The following DNER variants were observed in gnomAD, a reference collection of about 807,000 sequenced individuals.
DNER encodes the protein delta and Notch-like epidermal growth factor-related receptor.
A neutral mutation model predicts 78.2 loss-of-function variants in DNER; 33 were observed. The observed-to-expected ratio is 0.42, with a 90% CI of 0.32 to 0.56. The LOEUF (loss-of-function observed/expected upper bound fraction) is 0.56, where lower values mean the gene tolerates loss of function less well. Among genes scored for constraint, DNER ranks in the 20% least tolerant of loss-of-function variants. DNER has a pLI of 0.11. For missense variants in DNER, 918 were observed against 975.3 expected, an observed-to-expected ratio of 0.94 and a Z score of 0.78; for synonymous variants, 417 against 384.8, an observed-to-expected ratio of 1.08 and a Z score of -0.98.
At chr2:229,376,624 G>A (rs138052742) in intron 11 of DNER, among the ~76,000 whole-genome samples, 98 of 152,192 alleles carry the variant, frequency 6.4e-4, no homozygotes, top group Middle Eastern at 6.8e-3. Context: ...AAAAAGTGTC[G>A]TAGATCTGCA....
At chr2:229,464,908 G>T (rs1694771176) in intron 7 of DNER, among the ~76,000 whole-genome samples, 2 of 152,156 alleles carry the variant, frequency 1.3e-5, no homozygotes, top group Admixed American at 6.5e-5. Context: ...CCGCCTGGAG[G>T]ACAATTTCTA....
intron 7 of DNER, among the ~76,000 whole-genome samples, chr2:229,471,441 A>G (rs35653766): frequency 0.36 from 54,767 of 151,916 alleles, 11,631 homozygotes; most frequent in African/African-American, 0.59. Flanking sequence ...TAAAGATTTA[A>G]ACCCCAGGCA....
chr2:229,567,525 T>G (rs1697134359), intron 4 of DNER, among the ~76,000 whole-genome samples: 1 of 152,164 alleles, frequency 6.6e-6, no homozygotes, highest in Non-Finnish European at 1.5e-5. Context: ...CTGGTAGTGA[T>G]GAGAACCAAC....
intron 9 of DNER, among the ~76,000 whole-genome samples, chr2:229,417,467 C>A (rs2106348804): frequency 6.6e-6 from 1 of 152,264 alleles, no homozygotes; most frequent in East Asian, 1.9e-4. Context: ...CTCCAGGAAG[C>A]CTTGCCATCC....
At chr2:229,542,300 C>T (rs1299892352) in intron 5 of DNER, among the ~76,000 whole-genome samples, 1 of 152,014 alleles carries the variant, frequency 6.6e-6, no homozygotes, top group Non-Finnish European at 1.5e-5. Flanking sequence ...AAGCAGTTTT[C>T]AAGAACAGAG....
intron 2 of DNER, among the ~76,000 whole-genome samples, chr2:229,589,374 C>T (rs879288509): frequency 8.5e-5 from 13 of 152,244 alleles, no homozygotes; most frequent in Non-Finnish European, 1.6e-4. Context: ...AAGCCCACCA[C>T]TGATATTCAA....
At chr2:229,473,087 A>G (rs1324134474) in intron 7 of DNER, among the ~76,000 whole-genome samples, 1 of 152,196 alleles carries the variant, frequency 6.6e-6, no homozygotes, top group Non-Finnish European at 1.5e-5. Context: ...CAAAATGGAG[A>G]TGAAAAGGGG....
intron 7 of DNER, among the ~76,000 whole-genome samples, chr2:229,469,741 G>A (rs1694883856): frequency 6.6e-6 from 1 of 152,308 alleles, no homozygotes; most frequent in East Asian, 1.9e-4. Flanking sequence ...TCAGGAGTTC[G>A]AGACCAGCTT....
At chr2:229,441,801 T>C (rs1028775152) in intron 8 of DNER, among the ~76,000 whole-genome samples, 3 of 152,166 alleles carry the variant, frequency 2.0e-5, no homozygotes, top group Non-Finnish European at 4.4e-5. Context: ...GAATTGTTGA[T>C]GTTCTTAAGT....
rs566699571 is a variant in DNER at position 229,552,590 on chromosome 2, G to A, written c.848-5498C>T. The stretch of plus-strand genomic sequence containing the variant: ...AAGGGGCTTTTCCCCCTTTTTCTCA[G>A]CACTTCTACTTGCTGCCACCATGCG... On this transcript the variant is annotated intron_variant, in intron 4 of 12. Transcript: ENST00000341772. Among the ~76,000 whole-genome samples, 6 of 152,160 alleles carry A rather than the reference G, an allele frequency of 3.9e-5. No homozygotes were observed. In the South Asian group the frequency reaches 1.2e-3, roughly 32 times the overall value.
chr2:229,653,004 G>T (rs1366705248), intron 1 of DNER, among the ~76,000 whole-genome samples: 1 of 152,110 alleles, frequency 6.6e-6, no homozygotes, highest in Non-Finnish European at 1.5e-5. Flanking sequence ...TTTGCTGTTA[G>T]TACTCTGAGC....
Position 229,668,544 on chromosome 2 carries a change from A to G in DNER, c.276+45604T>C, listed in dbSNP as rs1271705220. On this transcript the variant is annotated intron_variant, in intron 1 of 12. Transcript: ENST00000341772. ...TGTGTGTGTGTGTGTGTGTATATAT[A>G]TATATATATATATATATATATATAT... 7.2e-3 allele frequency among the ~76,000 whole-genome samples: 35 copies of G among 4,860 alleles called. 1 individual carries two copies. The highest frequency in any genetic ancestry group is 0.026 in the Non-Finnish European group (23 of 890). The allele number at this position is 4,860 out of a possible 152,430, so 3.2% of individuals were successfully genotyped here.
At position 229,433,989 on chromosome 2, in the gene DNER, C is replaced by T. The variant is rs548122925; in HGVS notation, c.1486+13327G>A. Among the ~76,000 whole-genome samples, 29 of 152,250 alleles carry T rather than the reference C, an allele frequency of 1.9e-4. No homozygotes were observed. In the South Asian group the frequency reaches 5.8e-3, roughly 31 times the overall value. ...AAAAAGCATAAACAATCTAAGGTAACAATTTTTGCAAACCAAAAATTGGGA... is the reference window on the plus strand; with the variant it reads ...AAAAAGCATAAACAATCTAAGGTAATAATTTTTGCAAACCAAAAATTGGGA... On this transcript the variant is annotated intron_variant, in intron 8 of 12. Transcript: ENST00000341772.
intron 1 of DNER, among the ~76,000 whole-genome samples, chr2:229,612,641 G>GT (rs1373024089): frequency 3.3e-5 from 5 of 152,208 alleles, no homozygotes; most frequent in African/African-American, 1.2e-4. Context: ...TGGGCTCACT[G>GT]TTTTTTGCAC....
At chr2:229,465,526 CA>C (rs1461953111) in intron 7 of DNER, among the ~76,000 whole-genome samples, 2 of 152,034 alleles carry the variant, frequency 1.3e-5, no homozygotes, top group Non-Finnish European at 2.9e-5. Context: ...CCATGGCACA[CA>C]TTTACCTATG....
At chr2:229,460,064 G>A (rs1401723675) in intron 7 of DNER, among the ~76,000 whole-genome samples, 1 of 150,064 alleles carries the variant, frequency 6.7e-6, no homozygotes, top group Admixed American at 6.7e-5. Flanking sequence ...GACTGAGGCA[G>A]GAGAATGGCG....
At chr2:229,694,458 TGAC>T (rs1699631683) in intron 1 of DNER, among the ~76,000 whole-genome samples, 1 of 42,648 alleles carries the variant, frequency 2.3e-5, no homozygotes, top group South Asian at 9.7e-4. Flanking sequence ...AGAGACTCAA[TGAC>T]TTCCGCCTGT....
At chr2:229,616,391 G>A (rs1203792418) in intron 1 of DNER, among the ~76,000 whole-genome samples, 1 of 151,792 alleles carries the variant, frequency 6.6e-6, no homozygotes, top group Non-Finnish European at 1.5e-5. Context: ...CCAACTCTAT[G>A]ATCAACCCAA....
At chr2:229,471,104 G>C (rs932956375) in intron 7 of DNER, among the ~76,000 whole-genome samples, 3 of 151,606 alleles carry the variant, frequency 2.0e-5, no homozygotes, top group African/African-American at 7.3e-5. Context: ...GGTTCTAATA[G>C]AGTGCTTTCA....
Sources: allele counts gnomAD v4.1 joint callset (sites outside exome capture counted in the v4.1 genomes callset), GRCh38; gene constraint gnomAD v4.1.1; transcripts MANE v1.5; gene names NCBI Gene and HGNC (gene_info 2026-07-23, HGNC 2026-07-21).